The following CDS2 variants were observed in gnomAD, a reference collection of about 807,000 sequenced individuals.
CDS2 encodes phosphatidate cytidylyltransferase 2.
A neutral mutation model predicts 59.0 loss-of-function variants in CDS2; 47 were observed. That is an observed-to-expected ratio of 0.80 (90% confidence interval 0.63 to 1.02). The LOEUF (loss-of-function observed/expected upper bound fraction) is 1.02, where lower values mean the gene tolerates loss of function less well. CDS2 is among the 50% of genes least tolerant of loss of function. CDS2 has a pLI of 0.00. For missense variants in CDS2, 356 were observed against 558.9 expected, an observed-to-expected ratio of 0.64 and a Z score of 3.66; for synonymous variants, 207 against 206.4, an observed-to-expected ratio of 1.00 and a Z score of -0.02.
rs990454728 is a variant in CDS2 at position 5,191,502 on chromosome 20, G to A, written c.*1268G>A. 6.6e-6 allele frequency: 1 copy of A among 152,148 alleles called. No individual in the cohort carries two copies. Among genetic ancestry groups the A allele is most frequent in the African/African-American group, 2.4e-5 (1 of 41,412 alleles). The allele number at this position is 152,148 out of a possible 1,614,324, so 9.4% of individuals were successfully genotyped here. A position where few individuals can be genotyped will look rare whatever the true frequency, so the allele number is the denominator to read the frequency against. ...GTCAGGCCAACAAGTGATGGAGTGC[G>A]GGAGAGAGAACTTGGCACCCAAATA... On this transcript the variant is annotated 3_prime_UTR_variant, in exon 13 of 13. Transcript: ENST00000460006.
intron 1 of CDS2, among the ~76,000 whole-genome samples, chr20:5,141,927 G>A (rs970007821): frequency 2.0e-5 from 3 of 152,122 alleles, no homozygotes; most frequent in Non-Finnish European, 4.4e-5. Context: ...AAACGAGTTT[G>A]AGTTTTACCA....
In CDS2 at chr20:5,168,513, A is replaced by T. The variant is rs977902492; in HGVS notation, c.58-5010A>T. ...TGGAGCCTGACACAGTGCCCAAGGG[A>T]TTCTCTCTAGCCATGGGCACAGCCA... On this transcript the variant is annotated intron_variant, in intron 1 of 12. Coordinates refer to ENST00000460006, the MANE Select transcript of CDS2 (RefSeq NM_003818.4). The T allele has an allele frequency of 1.8e-4, 86 of 471,180 alleles. 1 individual carries two copies. The highest frequency in any genetic ancestry group is 3.3e-4 in the Middle Eastern group (1 of 2,996). 29.2% of individuals were successfully genotyped at this position (471,180 alleles called of 1,614,324 possible).
chr20:5,133,805 G>A (rs908443587), intron 1 of CDS2, among the ~76,000 whole-genome samples: 10 of 152,182 alleles, frequency 6.6e-5, no homozygotes, highest in Admixed American at 3.3e-4. Flanking sequence ...GATTACAGGC[G>A]TGAGCCACCG....
intron 1 of CDS2, among the ~76,000 whole-genome samples, chr20:5,162,310 A>G (rs2090881237): frequency 6.6e-6 from 1 of 152,224 alleles, no homozygotes; most frequent in Non-Finnish European, 1.5e-5. Flanking sequence ...AGGGATGCTC[A>G]GCCAGTAAGT....
intron 1 of CDS2, among the ~76,000 whole-genome samples, 178 bp from the exon 2 acceptor site, chr20:5,173,345 A>C (rs2090970113): frequency 6.6e-6 from 1 of 152,200 alleles, no homozygotes; most frequent in African/African-American, 2.4e-5. Flanking sequence ...CCACCTTGGC[A>C]CATGTCACAA....
chr20:5,139,608 G>A (rs981719870), intron 1 of CDS2, among the ~76,000 whole-genome samples: 11 of 152,086 alleles, frequency 7.2e-5, no homozygotes, highest in African/African-American at 2.4e-4. Flanking sequence ...AATAAGATTG[G>A]TGAAAGTGGA....
chr20:5,132,336 G>A (rs942891007), intron 1 of CDS2, among the ~76,000 whole-genome samples: 1 of 152,132 alleles, frequency 6.6e-6, no homozygotes, highest in Non-Finnish European at 1.5e-5. Context: ...GACCTCAGGT[G>A]ATCCACCCGC....
chr20:5,129,839 A>G (rs930762068), intron 1 of CDS2, among the ~76,000 whole-genome samples: 10 of 151,752 alleles, frequency 6.6e-5, no homozygotes, highest in Non-Finnish European at 1.2e-4. Context: ...TCGGTCTCCC[A>G]AAGTGCTGAG....
intron 1 of CDS2, among the ~76,000 whole-genome samples, chr20:5,170,168 C>T (rs2090945019): frequency 6.6e-6 from 1 of 152,198 alleles, no homozygotes; most frequent in Non-Finnish European, 1.5e-5. Context: ...AGTGTCAGAG[C>T]TGGCCCTGGG....
At chr20:5,176,622 G>T (rs781518929) in intron 3 of CDS2, 26 bp from the exon 4 acceptor site, 5 of 1,551,500 alleles carry the variant, frequency 3.2e-6, no homozygotes, top group Non-Finnish European at 4.5e-6. Context: ...GAATTGGGGT[G>T]TCAGTGAATG....
chr20:5,175,124 A>C, intron 2 of CDS2, 59 bp from the exon 3 acceptor site: 1 of 1,230,752 alleles, frequency 8.1e-7, no homozygotes. Flanking sequence ...GAGTTTGTGC[A>C]TTGGTTTTTT....
At chr20:5,161,425 T>A (rs955172167) in intron 1 of CDS2, among the ~76,000 whole-genome samples, 2 of 152,232 alleles carry the variant, frequency 1.3e-5, no homozygotes, top group African/African-American at 2.4e-5. Context: ...GAAAGTTCTA[T>A]ACTGACAAAA....
intron 1 of CDS2, among the ~76,000 whole-genome samples, chr20:5,161,515 A>G (rs1432527024): frequency 1.3e-5 from 2 of 152,236 alleles, no homozygotes; most frequent in African/African-American, 4.8e-5. Context: ...GATAACTGAC[A>G]CATACATTGA....
At chr20:5,138,843 T>C (rs897342057) in intron 1 of CDS2, among the ~76,000 whole-genome samples, 3 of 151,690 alleles carry the variant, frequency 2.0e-5, no homozygotes, top group African/African-American at 7.3e-5. Flanking sequence ...TGCACTGCAG[T>C]ATGGTTAAAA....
chr20:5,141,597 A>G (rs2090694273), intron 1 of CDS2, among the ~76,000 whole-genome samples: 1 of 152,076 alleles, frequency 6.6e-6, no homozygotes, highest in Admixed American at 6.6e-5. Context: ...AATATTGTAT[A>G]TTTGTATCCA....
At chr20:5,185,903 C>A in intron 9 of CDS2, 77 bp downstream of exon 9, 1 of 1,372,418 alleles carries the variant, frequency 7.3e-7, no homozygotes, top group Non-Finnish European at 1.0e-6. Context: ...CTGTCCAGAG[C>A]TGGAGAGTGT....
intron 4 of CDS2, among the ~76,000 whole-genome samples, chr20:5,178,319 T>A (rs1166374883): frequency 6.6e-6 from 1 of 152,186 alleles, no homozygotes; most frequent in African/African-American, 2.4e-5. Flanking sequence ...CAAAGTTTTA[T>A]GAATAAAATG....
At chr20:5,140,659 A>G (rs1369370175) in intron 1 of CDS2, among the ~76,000 whole-genome samples, 1 of 152,218 alleles carries the variant, frequency 6.6e-6, no homozygotes, top group African/African-American at 2.4e-5. Context: ...GATTAGGGAA[A>G]GTTTCTCTTC....
At chr20:5,163,399 G>A (rs181665976) in intron 1 of CDS2, among the ~76,000 whole-genome samples, 1 of 152,014 alleles carries the variant, frequency 6.6e-6, no homozygotes, top group Non-Finnish European at 1.5e-5. Flanking sequence ...GTATCTGGGA[G>A]TACAGGCATG....
Sources: allele counts gnomAD v4.1 joint callset (sites outside exome capture counted in the v4.1 genomes callset), GRCh38; gene constraint gnomAD v4.1.1; transcripts MANE v1.5; gene names NCBI Gene and HGNC (gene_info 2026-07-23, HGNC 2026-07-21).